Variants in GRTP1 observed in about 807,000 individuals in gnomAD.
The protein encoded by GRTP1 is growth hormone regulated TBC protein 1.
GRTP1 carries 56 observed loss-of-function variants against 38.1 expected under a neutral mutation model. That is an observed-to-expected ratio of 1.47 (90% CI 1.19 to 1.84). The LOEUF is 1.84. Among genes scored for constraint, GRTP1 ranks in the 40% most tolerant of loss-of-function variants. GRTP1 has a pLI of 0.00. For missense variants in GRTP1, 506 were observed against 453.9 expected (o/e 1.11, Z -1.04); for synonymous variants, 217 against 189.5 (o/e 1.14, Z -1.19).
At position 113,348,010 on chromosome 13, in the gene GRTP1, G is replaced by A. The variant is rs532431152; in HGVS notation, c.465+2839C>T. 2.9e-4 allele frequency among the ~76,000 whole-genome samples: 43 copies of A among 150,118 alleles called. No individual in the cohort carries two copies. The highest frequency in any genetic ancestry group is 1.6e-3 in the East Asian group (8 of 5,086). On this transcript the variant is annotated intron_variant, in intron 4 of 7. Coordinates refer to ENST00000375431, the MANE Select transcript of GRTP1 (RefSeq NM_024719.4). This position sits in a 1 kb window ranked among gnomAD's most constrained non-coding sequence, Gnocchi z 4.8. The stretch of plus-strand genomic sequence containing the variant: ...CCTGGGAGGACCTGTGTGGCTGAGC[G>A]GACCTGGGAGGACCTGTCTGGCCGA...
chr13:113,324,461 GACGAGCA>G lies in GRTP1; in HGVS notation c.*20_*26del. ...TGGAAAGGGGCATCGTCAGTGTAGAGACGAGCAACGCAGGGGACAGGCACGCTCACCC... is the reference window on the plus strand; with the variant it reads ...TGGAAAGGGGCATCGTCAGTGTAGAGACGCAGGGGACAGGCACGCTCACCC... On this transcript the variant is annotated 3_prime_UTR_variant, in exon 8 of 8. Coordinates refer to ENST00000375431, the MANE Select transcript of GRTP1 (RefSeq NM_024719.4). 1 of 1,578,578 alleles carries G rather than the reference GACGAGCA, an allele frequency of 6.3e-7. No individual in the cohort carries two copies. Among genetic ancestry groups the G allele is most frequent in the Non-Finnish European group, 8.6e-7 (1 of 1,162,146 alleles).
chr13:113,346,083 CCTGGG>C (rs2043110068), intron 4 of GRTP1, among the ~76,000 whole-genome samples: 2 of 7,038 alleles, frequency 2.8e-4, no homozygotes, highest in Non-Finnish European at 6.2e-4. Context: ...GCTGAGCAGA[CCTGGG>C]AAGACATCTG....
chr13:113,354,750 C>A (rs1339508244), intron 3 of GRTP1, among the ~76,000 whole-genome samples: 1 of 152,186 alleles, frequency 6.6e-6, no homozygotes, highest in African/African-American at 2.4e-5. Context: ...TGGTCTCGAA[C>A]TCCTGACCTC....
intron 2 of GRTP1, 51 bp downstream of exon 2, chr13:113,363,711 C>T: frequency 6.4e-7 from 1 of 1,564,582 alleles, no homozygotes; most frequent in Non-Finnish European, 8.7e-7. Flanking sequence ...CGGCCCGTCC[C>T]AGCCCAACCC....
chr13:113,350,863 C>G lies in GRTP1; in HGVS notation c.451G>C (p.Val151Leu). ...LLAYGHHNQG[V>L]GYCQGMNFIA... ...CCGAGGCTCACCTGGCAGTAGCCCA[C>G]TCCCTGGTTATGGTGCCCATATGCC... The change falls in exon 4 of 8, where the codon GTG (valine) becomes CTG (leucine). Residue 151 changes from valine (V) to leucine (L), a missense_variant. Val to Leu is a conservative substitution (Grantham distance 32). Transcript: ENST00000375431. 1 of 1,577,644 alleles carries G rather than the reference C, an allele frequency of 6.3e-7. No individual in the cohort carries two copies.
At position 113,326,068 on chromosome 13, in the gene GRTP1, C is replaced by G; in HGVS notation, c.586G>C (p.Gly196Arg). The part of the protein sequence containing the change: ...LPDYYSPAML[G>R]LKTDQEVLGE... ...AGGACCTCCTGGTCGGTCTTCAGGC[C>G]CAGCATGGCCGGGCTGTAGTAATCT... The change falls in exon 6 of 8, where the codon GGC becomes CGC. Residue 196 changes from glycine to arginine, a missense_variant. Gly to Arg is a moderately radical substitution (Grantham distance 125). Coordinates refer to ENST00000375431, the MANE Select transcript of GRTP1 (RefSeq NM_024719.4). 1 of 1,611,002 alleles carries G rather than the reference C, an allele frequency of 6.2e-7. No individual in the cohort carries two copies.
At chr13:113,355,751 G>C (rs1248121678) in intron 2 of GRTP1, 2 of 280,658 alleles carry the variant, frequency 7.1e-6, no homozygotes, top group Non-Finnish European at 1.3e-5. Flanking sequence ...AAGAAACAGA[G>C]CCGCGGTCAG....
In GRTP1 at chr13:113,345,590, C is replaced by G. The variant is rs758460168; in HGVS notation, c.466-631G>C. 2.9e-4 allele frequency among the ~76,000 whole-genome samples: 44 copies of G among 152,244 alleles called. 1 individual carries two copies. The highest frequency in any genetic ancestry group is 1.3e-4 in the Admixed American group (2 of 15,290). On this transcript the variant is annotated intron_variant, in intron 4 of 7. Transcript: ENST00000375431. ...CTTCTTTGTCACTCATTTGTAATTT[C>G]TAAAGTAAGTATTTCTCTAGTAATA...
rs959801961 is a variant in GRTP1 at position 113,342,461 on chromosome 13, T to C, written c.562+2402A>G. On this transcript the variant is annotated intron_variant, in intron 5 of 7. Coordinates refer to ENST00000375431, the MANE Select transcript of GRTP1 (RefSeq NM_024719.4). This position sits in a 1 kb window ranked among gnomAD's most constrained non-coding sequence, Gnocchi z 4.5. The stretch of plus-strand genomic sequence containing the variant: ...AGGCGGAGCTTGCAGTGAGCCATTG[T>C]GCCACTGCACTCCAGCCTGGGCGAC... 7.2e-5 allele frequency among the ~76,000 whole-genome samples: 11 copies of C among 151,910 alleles called. No homozygotes were observed. The highest frequency in any genetic ancestry group is 1.3e-4 in the Non-Finnish European group (9 of 67,990).
chr13:113,337,813 C>T (rs895961854), intron 5 of GRTP1, among the ~76,000 whole-genome samples: 6 of 152,358 alleles, frequency 3.9e-5, no homozygotes, highest in African/African-American at 1.2e-4. Flanking sequence ...CTCGGGAGGA[C>T]GCAGGAAACG....
chr13:113,332,464 C>G (rs564261748), intron 5 of GRTP1, among the ~76,000 whole-genome samples: 1 of 152,262 alleles, frequency 6.6e-6, no homozygotes, highest in African/African-American at 2.4e-5. Flanking sequence ...CTGCCTCCAT[C>G]CCCTGGACTG....
chr13:113,338,834 C>A (rs1252507878), intron 5 of GRTP1, among the ~76,000 whole-genome samples: 1 of 151,766 alleles, frequency 6.6e-6, no homozygotes, highest in East Asian at 1.9e-4. Context: ...CCATTCCGGT[C>A]TCTATTTTGT....
chr13:113,354,967 G>C (rs1339518101), intron 3 of GRTP1, among the ~76,000 whole-genome samples: 1 of 152,220 alleles, frequency 6.6e-6, no homozygotes, highest in Non-Finnish European at 1.5e-5. Flanking sequence ...CCTGGTGTGC[G>C]GCCTCATGAG....
chr13:113,355,681 C>A, intron 2 of GRTP1, 200 bp from the exon 3 acceptor site: 4 of 526,774 alleles, frequency 7.6e-6, no homozygotes, highest in South Asian at 4.2e-5. Flanking sequence ...CAACAGAGCA[C>A]AAACCAGACT....
intron 5 of GRTP1, among the ~76,000 whole-genome samples, chr13:113,341,675 G>T (rs993990398): frequency 6.6e-6 from 1 of 152,044 alleles, no homozygotes; most frequent in East Asian, 1.9e-4. Context: ...TGTTTCTGTC[G>T]CTAATTTTCA....
chr13:113,328,032 C>T (rs1205937386), intron 5 of GRTP1, among the ~76,000 whole-genome samples: 1 of 152,224 alleles, frequency 6.6e-6, no homozygotes, highest in East Asian at 1.9e-4. Flanking sequence ...CCTTGAACAT[C>T]GAGGGCAAGG....
chr13:113,355,966 TC>T (rs2043378298), intron 2 of GRTP1, among the ~76,000 whole-genome samples: 1 of 152,172 alleles, frequency 6.6e-6, no homozygotes, highest in South Asian at 2.1e-4. Context: ...TGAAAGCTAC[TC>T]CATTTTGTAG....
chr13:113,342,628 G>A lies in GRTP1; in HGVS notation c.562+2235C>T, dbSNP rs1360730665. On this transcript the variant is annotated intron_variant, in intron 5 of 7. Transcript: ENST00000375431. The surrounding 1 kb of genome is among the most constrained non-coding windows in gnomAD (Gnocchi z 4.5). ...AGTGGCACTGAAACGACCTAGTTTG[G>A]GTAACTATAACTTCGAGGATGGATT... Among the ~76,000 whole-genome samples the A allele has an allele frequency of 1.1e-5, 1 of 90,210 alleles. No homozygotes were observed. The highest frequency in any genetic ancestry group is 4.1e-5 in the African/African-American group (1 of 24,194). 59.2% of individuals were successfully genotyped at this position (90,210 alleles called of 152,430 possible). A position where few individuals can be genotyped will look rare whatever the true frequency, so the allele number is the denominator to read the frequency against.
chr13:113,339,628 A>G (rs1460455841), intron 5 of GRTP1: 1 of 152,250 alleles, frequency 6.6e-6, no homozygotes, highest in Non-Finnish European at 1.5e-5. Flanking sequence ...ATAAATTAAT[A>G]GATCCACAGA....
Sources: allele counts gnomAD v4.1 joint callset (sites outside exome capture counted in the v4.1 genomes callset), GRCh38; gene constraint gnomAD v4.1.1; non-coding constraint Gnocchi (gnomAD v3.1); transcripts MANE v1.5; gene names NCBI Gene and HGNC (gene_info 2026-07-23, HGNC 2026-07-21).